The following CAST variants were observed in gnomAD, a reference collection of about 807,000 sequenced individuals.
CAST encodes MIR583 host.
CAST carries 76 observed loss-of-function variants against 119.6 expected under a neutral mutation model. That is an observed-to-expected ratio of 0.64 (90% CI 0.53 to 0.77). The LOEUF (loss-of-function observed/expected upper bound fraction) is 0.77. Ranked by LOEUF, CAST falls within the 30% of genes least tolerant of loss-of-function variation. CAST has a pLI of 0.00. For missense variants in CAST, 953 were observed against 946.5 expected (o/e 1.01, Z -0.09); for synonymous variants, 319 against 331.6 (o/e 0.96, Z 0.41).
At chr5:96,107,592 C>T in the CAST span, among the ~76,000 whole-genome samples, 6 of 152,162 alleles carry the variant, frequency 3.9e-5, no homozygotes, top group East Asian at 5.8e-4. Flanking sequence ...CCGAGAGATC[C>T]GCTGTTAGTC....
At chr5:96,024,876 T>G in the CAST span, among the ~76,000 whole-genome samples, 1 of 152,172 alleles carries the variant, frequency 6.6e-6, no homozygotes, top group Non-Finnish European at 1.5e-5. Context: ...ATGGTACACT[T>G]TTTTTGCCAG....
chr5:96,405,534 G>A, the CAST span, among the ~76,000 whole-genome samples: 5 of 152,152 alleles, frequency 3.3e-5, no homozygotes, highest in East Asian at 1.9e-4. Flanking sequence ...AGCCAGGCAT[G>A]GTGGCACATG....
At chr5:96,337,443 C>A in the CAST span, among the ~76,000 whole-genome samples, 3 of 152,152 alleles carry the variant, frequency 2.0e-5, no homozygotes, top group Admixed American at 2.0e-4. Context: ...CATTGAACTT[C>A]ATAGTACACT....
chr5:96,500,788 T>A, the CAST span, among the ~76,000 whole-genome samples: 249 of 152,344 alleles, frequency 1.6e-3, 3 homozygotes, highest in South Asian at 2.1e-3. Context: ...AATGGGATCG[T>A]AGCTGTTAAA....
chr5:96,701,687 C>T (rs1202411408), intron 3 of CAST, among the ~76,000 whole-genome samples: 5 of 151,658 alleles, frequency 3.3e-5, no homozygotes, highest in African/African-American at 9.7e-5. Context: ...TGCCTGTAAT[C>T]GCAGCTACTC....
intron 3 of CAST, among the ~76,000 whole-genome samples, chr5:96,706,429 C>T (rs1192027224): frequency 1.3e-5 from 2 of 152,080 alleles, no homozygotes; most frequent in Admixed American, 6.5e-5. Flanking sequence ...GCAGTGCTGT[C>T]ACGATACTGT....
chr5:96,566,087 C>T (rs1746463596), intron 1 of CAST, among the ~76,000 whole-genome samples: 1 of 152,138 alleles, frequency 6.6e-6, no homozygotes, highest in African/African-American at 2.4e-5. Flanking sequence ...TGCACTATGA[C>T]TAGGCTGACA....
the CAST span, among the ~76,000 whole-genome samples, chr5:96,375,908 T>TATAAATATATAAATATAAATATATATAA: frequency 5.3e-3 from 784 of 146,938 alleles, 5 homozygotes; most frequent in African/African-American, 0.018. Context: ...TCTATATATA[T>TATAAATATATAAATATAAATATATATAA]ATATAAATAT....
chr5:96,647,069 G>C (rs939253408), intron 1 of CAST, among the ~76,000 whole-genome samples: 1 of 152,136 alleles, frequency 6.6e-6, no homozygotes, highest in African/African-American at 2.4e-5. Context: ...TGACTTTTCT[G>C]CTGGGAACTG....
the CAST span, among the ~76,000 whole-genome samples, chr5:96,489,294 A>G: frequency 6.6e-6 from 1 of 152,196 alleles, no homozygotes; most frequent in Non-Finnish European, 1.5e-5. Context: ...GGATGCCTGA[A>G]GAGTAACTTG....
the CAST span, among the ~76,000 whole-genome samples, chr5:96,103,158 T>A: frequency 6.6e-6 from 1 of 152,188 alleles, no homozygotes; most frequent in African/African-American, 2.4e-5. Flanking sequence ...TTTTCAGATA[T>A]GTTAATGATT....
In CAST at chr5:96,754,679, C is replaced by G. The variant is rs142879548; in HGVS notation, c.1648C>G (p.Arg550Gly). Residue 550 changes from arginine to glycine, a missense_variant, in exon 22 of 32, where the codon CGT (arginine) becomes GGT (glycine). Arg to Gly is a moderately radical substitution (Grantham distance 125, BLOSUM62 -2). Transcript: ENST00000675179. The stretch of plus-strand genomic sequence containing the variant: ...TCAGGAGAAGGCCAAAGAAGAAGAC[C>G]GTGAAAAGCTTGGTGAAAAAGAAGA... ...KVKEKAKEED[R>G]EKLGEKEETI... The G allele has an allele frequency of 1.9e-6, 3 of 1,606,744 alleles. No homozygotes were observed. The highest frequency in any genetic ancestry group is 2.6e-6 in the Non-Finnish European group (3 of 1,174,648).
intron 1 of CAST, among the ~76,000 whole-genome samples, chr5:96,565,861 G>C (rs973045258): frequency 2.6e-5 from 4 of 152,162 alleles, no homozygotes; most frequent in African/African-American, 7.2e-5. Context: ...CCTTTTAGTA[G>C]AAAGCCTCTC....
chr5:96,273,441 G>A, the CAST span, among the ~76,000 whole-genome samples: 1 of 152,120 alleles, frequency 6.6e-6, no homozygotes, highest in East Asian at 1.9e-4. Flanking sequence ...GAGAATAGTA[G>A]GAGTGAGAGA....
chr5:96,563,658 A>AT (rs35358254), intron 1 of CAST, among the ~76,000 whole-genome samples: 76,762 of 151,918 alleles, frequency 0.51, 19,540 homozygotes, highest in Admixed American at 0.53. Context: ...TTATAAAAAA[A>AT]AAGCATTCTT....
intron 1 of CAST, among the ~76,000 whole-genome samples, chr5:96,615,400 C>G (rs1747433079): frequency 6.6e-6 from 1 of 152,352 alleles, no homozygotes; most frequent in East Asian, 1.9e-4. Context: ...ACCATCTCTC[C>G]CATTGACTCA....
chr5:96,759,756 G>A (rs2150651521), intron 24 of CAST, among the ~76,000 whole-genome samples: 1 of 151,946 alleles, frequency 6.6e-6, no homozygotes, highest in Non-Finnish European at 1.5e-5. Flanking sequence ...TAATAATATA[G>A]AGATCAACTA....
At chr5:96,329,555 T>A in the CAST span, among the ~76,000 whole-genome samples, 1 of 152,192 alleles carries the variant, frequency 6.6e-6, no homozygotes, top group Admixed American at 6.5e-5. Context: ...CAGCTAGAAA[T>A]AACAAAGCCA....
the CAST span, among the ~76,000 whole-genome samples, chr5:96,208,792 G>C: frequency 6.6e-6 from 1 of 151,780 alleles, no homozygotes; most frequent in Non-Finnish European, 1.5e-5. Context: ...AAGAATGTAT[G>C]TTCTGCTCTT....
Sources: gnomAD v4.1 joint callset for allele counts (sites outside exome capture counted in the v4.1 genomes callset) on GRCh38, gnomAD v4.1.1 for gene constraint, MANE v1.5 for transcripts, NCBI Gene and HGNC (gene_info 2026-07-23, HGNC 2026-07-21) for gene names.